The following PCDH11X variants were observed in gnomAD, a reference collection of about 807,000 sequenced individuals.
PCDH11X encodes protocadherin-11 X-linked.
In PCDH11X, 18 loss-of-function variants were observed where a neutral mutation model predicts 53.3. That is an observed-to-expected ratio of 0.34 (90% CI 0.23 to 0.50). PCDH11X has a LOEUF of 0.50. PCDH11X is among the 20% of genes least tolerant of loss of function. The pLI is 0.98. For missense variants in PCDH11X, 570 were observed against 1,032.4 expected (o/e 0.55, Z 6.14); for synonymous variants, 279 against 393.3 (o/e 0.71, Z 3.44).
At chrX:91,819,628 T>A (rs1936571679) in intron 4 of PCDH11X, among the ~76,000 whole-genome samples, 1 of 101,720 alleles carries the variant, frequency 9.8e-6, no homozygotes, top group South Asian at 3.9e-4. Context: ...CAGCAAGCAT[T>A]TCTTTTTTTT....
intron 10 of PCDH11X, among the ~76,000 whole-genome samples, chrX:92,585,532 A>G (rs188339774): frequency 5.5e-4 from 60 of 108,405 alleles, no homozygotes; most frequent in Non-Finnish European, 9.7e-4. Flanking sequence ...CACCAAGCCT[A>G]GCTAATTTTT....
At chrX:92,288,944 G>T (rs1190497450) in intron 8 of PCDH11X, among the ~76,000 whole-genome samples, 1 of 110,582 alleles carries the variant, frequency 9.0e-6, no homozygotes, top group Non-Finnish European at 1.9e-5. Context: ...TCACTCTGCA[G>T]TTGATCCCGC....
chrX:92,574,859 GTGTT>G (rs1207796700), intron 10 of PCDH11X, among the ~76,000 whole-genome samples: 4 of 110,786 alleles, frequency 3.6e-5, no homozygotes, highest in African/African-American at 1.3e-4. Context: ...AAAATACTGT[GTGTT>G]TGGTTGGTAG....
intron 9 of PCDH11X, among the ~76,000 whole-genome samples, chrX:92,452,166 T>C (rs2148647925): frequency 9.5e-6 from 1 of 105,645 alleles, no homozygotes; most frequent in African/African-American, 3.4e-5. Context: ...AGAAATTCAT[T>C]TATCAAAACC....
At chrX:92,103,514 G>A (rs1454953536) in intron 6 of PCDH11X, among the ~76,000 whole-genome samples, 5 of 111,616 alleles carry the variant, frequency 4.5e-5, no homozygotes, top group South Asian at 7.6e-4. Context: ...GTCTTCAGCC[G>A]GTAAGCCAAG....
At chrX:92,467,126 A>G (rs1238671670) in intron 9 of PCDH11X, among the ~76,000 whole-genome samples, 4 of 111,133 alleles carry the variant, frequency 3.6e-5, no homozygotes, top group Admixed American at 9.6e-5. Context: ...GTTTTATGAA[A>G]GCACTATTTT....
chrX:92,104,924 A>G (rs2064343580), intron 6 of PCDH11X, among the ~76,000 whole-genome samples: 2 of 110,645 alleles, frequency 1.8e-5, no homozygotes, highest in Admixed American at 9.6e-5. Context: ...GGGACTTGCC[A>G]CTAAGGGTGA....
intron 10 of PCDH11X, among the ~76,000 whole-genome samples, chrX:92,575,161 A>G (rs192140756): frequency 2.4e-3 from 269 of 110,674 alleles, no homozygotes; most frequent in African/African-American, 8.5e-3. Flanking sequence ...GGGCATATGC[A>G]TGTACGTGTA....
chrX:92,085,219 G>A (rs1169841817), intron 6 of PCDH11X, among the ~76,000 whole-genome samples: 1 of 110,540 alleles, frequency 9.0e-6, no homozygotes, highest in East Asian at 2.9e-4. Flanking sequence ...TCTTGTGATT[G>A]GCTGAAACTT....
chrX:92,141,040 T>C (rs2148215997), intron 6 of PCDH11X, among the ~76,000 whole-genome samples: 1 of 111,798 alleles, frequency 8.9e-6, no homozygotes, highest in South Asian at 3.7e-4. Flanking sequence ...TCTCCAGTTG[T>C]ATCTGTATAC....
chrX:91,984,743 G>GC (rs202188527), intron 6 of PCDH11X, among the ~76,000 whole-genome samples: 3 of 111,120 alleles, frequency 2.7e-5, no homozygotes, highest in South Asian at 3.8e-4. Flanking sequence ...CCTTTCTCCC[G>GC]CCCCCCATCC....
chrX:91,890,858 A>G (rs1252254650), intron 6 of PCDH11X, among the ~76,000 whole-genome samples: 2 of 110,876 alleles, frequency 1.8e-5, no homozygotes, highest in Non-Finnish European at 3.8e-5. Flanking sequence ...ATACATGCCT[A>G]CCTATGTATA....
intron 8 of PCDH11X, 142 bp downstream of exon 8, chrX:92,263,285 G>T: frequency 8.4e-6 from 4 of 478,977 alleles, no homozygotes; most frequent in Non-Finnish European, 6.6e-6. Flanking sequence ...AGAGAGTCAA[G>T]CTGAGCTGTT....
intron 10 of PCDH11X, among the ~76,000 whole-genome samples, chrX:92,558,459 G>A (rs928106061): frequency 9.0e-6 from 1 of 111,325 alleles, no homozygotes; most frequent in Non-Finnish European, 1.9e-5. Context: ...GAGTTCATTG[G>A]GAAGGAACTG....
intron 6 of PCDH11X, among the ~76,000 whole-genome samples, chrX:91,966,727 A>C (rs1418147086): frequency 8.9e-6 from 1 of 112,144 alleles, no homozygotes; most frequent in Admixed American, 9.5e-5. Context: ...CCGGTATTTT[A>C]ACGGGCACGT....
At chrX:92,137,907 G>C (rs1794270958) in intron 6 of PCDH11X, among the ~76,000 whole-genome samples, 3 of 109,231 alleles carry the variant, frequency 2.7e-5, no homozygotes, top group African/African-American at 1.0e-4. Flanking sequence ...TTGTTACATA[G>C]GTAAACCTGT....
chrX:91,961,613 G>A (rs1176025129), intron 6 of PCDH11X, among the ~76,000 whole-genome samples: 1 of 109,043 alleles, frequency 9.2e-6, no homozygotes, highest in African/African-American at 3.4e-5. Context: ...AAAGTCACAG[G>A]GTACAAAATC....
intron 5 of PCDH11X, among the ~76,000 whole-genome samples, chrX:91,863,501 A>G (rs1336478274): frequency 8.9e-6 from 1 of 111,867 alleles, no homozygotes; most frequent in Non-Finnish European, 1.9e-5. Context: ...CATAAGTGAA[A>G]TGTGTTTCTC....
chrX:91,929,658 G>A (rs1460964654), intron 6 of PCDH11X, among the ~76,000 whole-genome samples: 2 of 111,126 alleles, frequency 1.8e-5, no homozygotes, highest in Non-Finnish European at 3.8e-5. Context: ...AGTAATCTCC[G>A]GGAAATAATA....
Sources: allele counts gnomAD v4.1 joint callset (sites outside exome capture counted in the v4.1 genomes callset), GRCh38; gene constraint gnomAD v4.1.1; transcripts MANE v1.5; gene names NCBI Gene and HGNC (gene_info 2026-07-23, HGNC 2026-07-21).